The following KIF1B variants were observed in gnomAD, a reference collection of about 807,000 sequenced individuals.
KIF1B encodes kinesin family member 1B.
KIF1B carries 76 observed loss-of-function variants against 241.9 expected under a neutral mutation model. That is an observed-to-expected ratio of 0.31 (90% CI 0.26 to 0.38). The LOEUF is 0.38. Among genes scored for constraint, KIF1B ranks in the 10% least tolerant of loss-of-function variants. KIF1B has a pLI of 1.00. For missense variants in KIF1B, 1,622 were observed against 2,271.4 expected (o/e 0.71, Z 5.81); for synonymous variants, 750 against 796.7 (o/e 0.94, Z 0.99).
intron 2 of KIF1B, among the ~76,000 whole-genome samples, chr1:10,250,060 C>T (rs764654971): frequency 6.6e-6 from 1 of 152,094 alleles, no homozygotes; most frequent in Non-Finnish European, 1.5e-5. Flanking sequence ...ATCCTCCCAC[C>T]TTGGCCTCCT....
intron 34 of KIF1B, 151 bp downstream of exon 34, chr1:10,343,438 C>T (rs1376366390): frequency 2.5e-6 from 2 of 814,958 alleles, no homozygotes; most frequent in Non-Finnish European, 4.1e-6. Context: ...CTAGTAGGAA[C>T]TAGAATTCCT....
intron 15 of KIF1B, among the ~76,000 whole-genome samples, chr1:10,286,751 T>C (rs1179908645): frequency 6.6e-6 from 1 of 152,202 alleles, no homozygotes; most frequent in Admixed American, 6.5e-5. Context: ...TGCAGACAGA[T>C]ATGACGTGAG....
rs1272800200 is a variant in KIF1B at position 10,381,322 on chromosome 1, A to G, written c.*4735A>G. On this transcript the variant is annotated 3_prime_UTR_variant, in exon 49 of 49. Transcript: ENST00000676179. Reference sequence around the variant, plus strand: ...GGCCTTTTTGAACCAAGACTTTGCAAACTGATCTCTCCCCCGTGAAGGAGT... The same window carrying G: ...GGCCTTTTTGAACCAAGACTTTGCAGACTGATCTCTCCCCCGTGAAGGAGT... 4.4e-6 allele frequency: 1 copy of G among 226,884 alleles called. No individual in the cohort carries two copies. Among genetic ancestry groups the G allele is most frequent in the East Asian group, 6.4e-5 (1 of 15,626 alleles). The allele number at this position is 226,884 out of a possible 1,614,324, so 14.1% of individuals were successfully genotyped here. A position where few individuals can be genotyped will look rare whatever the true frequency, so the allele number is the denominator to read the frequency against.
At chr1:10,360,835 G>A (rs1236229443) in intron 38 of KIF1B, 94 bp from the exon 39 acceptor site, 15 of 837,868 alleles carry the variant, frequency 1.8e-5, no homozygotes, top group South Asian at 2.7e-5. Flanking sequence ...GTTGGTTGGC[G>A]TATGGTTCTT....
chr1:10,337,039 A>C lies in KIF1B; in HGVS notation c.3130-35A>C. 1 of 1,613,884 alleles carries C rather than the reference A, an allele frequency of 6.2e-7. No individual in the cohort carries two copies. Among genetic ancestry groups the C allele is most frequent in the African/African-American group, 1.3e-5 (1 of 75,040 alleles). On this transcript the variant is annotated intron_variant, in intron 29 of 48. Coordinates refer to ENST00000676179, the MANE Select transcript of KIF1B (RefSeq NM_001365951.3). This position sits in a 1 kb window ranked among gnomAD's most constrained non-coding sequence, Gnocchi z 4.0. ...CTGGGGAAAAATACGTTTTTATACT[A>C]CTTTACCATGTATCTGCCCCTGCCT...
intron 1 of KIF1B, among the ~76,000 whole-genome samples, chr1:10,228,822 A>C (rs1183907977): frequency 6.6e-6 from 1 of 152,206 alleles, no homozygotes; most frequent in Non-Finnish European, 1.5e-5. Flanking sequence ...GAATAAAGCA[A>C]CTTTATATCT....
rs1638537974 is a variant in KIF1B at position 10,365,312 on chromosome 1, C to T, written c.4512+67C>T. The T allele has an allele frequency of 5.0e-6, 8 of 1,613,072 alleles. No homozygotes were observed. Among genetic ancestry groups the T allele is most frequent in the Admixed American group, 3.3e-5 (2 of 59,844 alleles). ...CAAGATTGCCAAAGTATCAGTCTTC[C>T]TCCCCGCTGCTGCATGTGATCATAG... On this transcript the variant is annotated intron_variant, in intron 42 of 48. Transcript: ENST00000676179. The surrounding 1 kb of genome is among the most constrained non-coding windows in gnomAD (Gnocchi z 4.0).
At chr1:10,371,526 T>C (rs894301478) in intron 45 of KIF1B, among the ~76,000 whole-genome samples, 1 of 152,188 alleles carries the variant, frequency 6.6e-6, no homozygotes, top group African/African-American at 2.4e-5. Flanking sequence ...TTATCCTCCA[T>C]TCCTACCCCT....
At chr1:10,357,995 G>A (rs1445558960) in intron 38 of KIF1B, among the ~76,000 whole-genome samples, 2 of 151,730 alleles carry the variant, frequency 1.3e-5, no homozygotes, top group Non-Finnish European at 2.9e-5. Flanking sequence ...GGTGACAAGA[G>A]TGAGACTCTG....
At chr1:10,261,269 A>C (rs560449322) in intron 4 of KIF1B, among the ~76,000 whole-genome samples, 1 of 146,812 alleles carries the variant, frequency 6.8e-6, no homozygotes, top group East Asian at 2.0e-4. Flanking sequence ...CACCTGGCCA[A>C]ATTTTTTTTT....
chr1:10,242,526 T>C (rs1647151506), intron 2 of KIF1B, among the ~76,000 whole-genome samples: 1 of 152,202 alleles, frequency 6.6e-6, no homozygotes, highest in Non-Finnish European at 1.5e-5. Flanking sequence ...ATTAATATAA[T>C]CTTTTTTTTA....
chr1:10,213,946 G>T (rs114735180), intron 1 of KIF1B, among the ~76,000 whole-genome samples: 2,858 of 151,802 alleles, frequency 0.019, 76 homozygotes, highest in African/African-American at 0.064. Flanking sequence ...AGACAAGCTT[G>T]GACAACATAG....
At chr1:10,366,415 C>T (rs932579577) in intron 43 of KIF1B, among the ~76,000 whole-genome samples, 12 of 151,698 alleles carry the variant, frequency 7.9e-5, no homozygotes, top group African/African-American at 2.9e-4. Context: ...GCAGCAGTGT[C>T]GACACCTGCG....
chr1:10,374,412 A>T lies in KIF1B; in HGVS notation c.5043A>T (p.Ala1681=). ...PAVETPYLAR[A]GKNEFLNLVP... ...TGGAAACACCATATTTGGCCCGAGC[A>T]GGAAAAAACGAATTTCTCAATCTTG... is the stretch of plus-strand genomic sequence containing the variant. Residue 1681 remains alanine, a synonymous_variant, in exon 46 of 49, where the codon GCA becomes GCT. Transcript: ENST00000676179. The surrounding 1 kb of genome is among the most constrained non-coding windows in gnomAD (Gnocchi z 4.3). The T allele has an allele frequency of 1.2e-6, 2 of 1,614,268 alleles. No homozygotes were observed. Among genetic ancestry groups the T allele is most frequent in the Non-Finnish European group, 1.7e-6 (2 of 1,180,052 alleles).
intron 22 of KIF1B, among the ~76,000 whole-genome samples, chr1:10,318,842 C>T (rs562897645): frequency 1.3e-5 from 2 of 152,218 alleles, no homozygotes; most frequent in East Asian, 3.9e-4. Flanking sequence ...CACTAAAATT[C>T]AAGTTTTTCA....
In KIF1B at chr1:10,303,942, G is replaced by A; in HGVS notation, c.2115+6696G>A. 6.2e-7 allele frequency: 1 copy of A among 1,614,204 alleles called. No individual in the cohort carries two copies. The highest frequency in any genetic ancestry group is 2.2e-5 in the East Asian group (1 of 44,880). ...ATCCAGCTTTTAGACGTGGACGTCT[G>A]CGCTGGATGAGGCAAGAGCAAATTC... On this transcript the variant is annotated intron_variant, in intron 22 of 48. Transcript: ENST00000676179. This position sits in a 1 kb window ranked among gnomAD's most constrained non-coding sequence, Gnocchi z 5.2.
intron 38 of KIF1B, among the ~76,000 whole-genome samples, chr1:10,360,371 C>T (rs1569896096): frequency 6.6e-6 from 1 of 151,970 alleles, no homozygotes; most frequent in Non-Finnish European, 1.5e-5. Flanking sequence ...CAGAGGCAGG[C>T]TTGTCAAAAC....
chr1:10,307,392 C>G (rs1184249422), intron 22 of KIF1B: 8 of 625,900 alleles, frequency 1.3e-5, no homozygotes, highest in Non-Finnish European at 1.6e-5. Context: ...TCACTGCAAC[C>G]TCTGCCTCCT....
intron 43 of KIF1B, among the ~76,000 whole-genome samples, 168 bp from the exon 44 acceptor site, chr1:10,368,299 G>C (rs1161720260): frequency 1.3e-5 from 2 of 152,186 alleles, no homozygotes; most frequent in African/African-American, 4.8e-5. Context: ...CAGTGCAAAG[G>C]AGACCAATGA....
Sources: allele counts gnomAD v4.1 joint callset (sites outside exome capture counted in the v4.1 genomes callset), GRCh38; gene constraint gnomAD v4.1.1; non-coding constraint Gnocchi (gnomAD v3.1); transcripts MANE v1.5; gene names NCBI Gene and HGNC (gene_info 2026-07-23, HGNC 2026-07-21).